SPTBN1: variants seen among roughly 807,000 people sequenced by gnomAD.
The protein encoded by SPTBN1 is spectrin beta chain, non-erythrocytic 1.
A neutral mutation model predicts 266.4 loss-of-function variants in SPTBN1; 32 were observed. That is an observed-to-expected ratio of 0.12 (90% CI 0.09 to 0.16). SPTBN1 has a LOEUF of 0.16. Among genes scored for constraint, SPTBN1 ranks in the 10% least tolerant of loss-of-function variants. The pLI, the probability that SPTBN1 is intolerant of heterozygous loss-of-function variation, is 1.00. For synonymous variants in SPTBN1, 1,336 were observed against 1,162.2 expected (o/e 1.15, Z -3.04); for missense variants, 2,296 against 3,067.1 (o/e 0.75, Z 5.94).
intron 2 of SPTBN1, chr2:54,557,900 C>A: frequency 1.0e-6 from 1 of 985,334 alleles, no homozygotes; most frequent in Non-Finnish European, 1.2e-6. Context: ...CGGTGGCTCG[C>A]CGGGCCGCCG....
intron 1 of SPTBN1, chr2:54,516,007 G>A (rs571970128): frequency 6.6e-6 from 1 of 152,304 alleles, no homozygotes; most frequent in South Asian, 2.1e-4. Context: ...GGCTGGGTGG[G>A]TAACTGGCCT....
intron 12 of SPTBN1, among the ~76,000 whole-genome samples, chr2:54,627,780 C>T (rs1364812048): frequency 7.5e-6 from 1 of 133,138 alleles, no homozygotes; most frequent in African/African-American, 2.8e-5. Context: ...CTCCCCACTG[C>T]CCCCTCCCCC....
chr2:54,558,734 C>G lies in SPTBN1; in HGVS notation c.148+32168C>G, dbSNP rs956048615. On this transcript the variant is annotated intron_variant, in intron 2 of 35. Coordinates refer to ENST00000356805, the MANE Select transcript of SPTBN1 (RefSeq NM_003128.3). The surrounding 1 kb of genome is among the most constrained non-coding windows in gnomAD (Gnocchi z 4.6). ...GGATGGGAGTGGGAGGGGGCTGGAGCGAGATTTCCAGGGCGCAGTCCTCCG... is the reference window on the plus strand; with the variant it reads ...GGATGGGAGTGGGAGGGGGCTGGAGGGAGATTTCCAGGGCGCAGTCCTCCG... The G allele has an allele frequency of 5.0e-6, 8 of 1,592,378 alleles. No homozygotes were observed. The African/African-American group carries it at 9.4e-5, about 19-fold the overall frequency.
At chr2:54,486,822 G>A (rs1573250140) in intron 1 of SPTBN1, among the ~76,000 whole-genome samples, 1 of 152,128 alleles carries the variant, frequency 6.6e-6, no homozygotes, top group East Asian at 1.9e-4. Flanking sequence ...AGATTTTGAT[G>A]TTGATTTAGA....
chr2:54,567,715 A>C (rs866375835), intron 2 of SPTBN1, among the ~76,000 whole-genome samples: 1 of 152,130 alleles, frequency 6.6e-6, no homozygotes, highest in Non-Finnish European at 1.5e-5. Flanking sequence ...CACTTCTTAA[A>C]TATAAATATA....
At chr2:54,478,720 G>A (rs1215083536) in intron 1 of SPTBN1, among the ~76,000 whole-genome samples, 1 of 152,172 alleles carries the variant, frequency 6.6e-6, no homozygotes, top group Non-Finnish European at 1.5e-5. Context: ...CACTTGGGAT[G>A]CATTTTAAAA....
rs1006473400 is a variant in SPTBN1, at chr2:54,669,758, A to T, written c.*1189A>T. 59 of 152,632 alleles carry T rather than the reference A, an allele frequency of 3.9e-4. No homozygotes were observed. The highest frequency in any genetic ancestry group is 3.8e-3 in the Admixed American group (58 of 15,286). 9.5% of individuals were successfully genotyped at this position (152,632 alleles called of 1,614,324 possible). On this transcript the variant is annotated 3_prime_UTR_variant, in exon 36 of 36. Coordinates refer to ENST00000356805, the MANE Select transcript of SPTBN1 (RefSeq NM_003128.3). The stretch of plus-strand genomic sequence containing the variant: ...TGCAAAGGGAGAAATGACAAACAAG[A>T]AACATTTTACAACCAGTCTGGGCTC...
intron 18 of SPTBN1, among the ~76,000 whole-genome samples, chr2:54,641,217 G>A (rs968596207): frequency 6.6e-5 from 10 of 152,148 alleles, no homozygotes; most frequent in South Asian, 4.1e-4. Context: ...GTGCTGTATC[G>A]CATGATGCTT....
Position 54,612,951 on chromosome 2 carries a change from A to G in SPTBN1, c.474+617A>G, listed in dbSNP as rs1677325082. Among the ~76,000 whole-genome samples, 2 of 152,206 alleles carry G rather than the reference A, an allele frequency of 1.3e-5. 1 individual carries two copies. Among genetic ancestry groups the G allele is most frequent in the Admixed American group, 1.3e-4 (2 of 15,282 alleles). On this transcript the variant is annotated intron_variant, in intron 4 of 35. Coordinates refer to ENST00000356805, the MANE Select transcript of SPTBN1 (RefSeq NM_003128.3). The stretch of plus-strand genomic sequence containing the variant: ...AAGTATAGAAGTATTTTAAGCCGGA[A>G]GGTACTCTCAAGGTCATTTTGTCCA...
chr2:54,558,017 C>A lies in SPTBN1; in HGVS notation c.148+31451C>A. The A allele has an allele frequency of 1.0e-6, 1 of 985,446 alleles. No homozygotes were observed. The highest frequency in any genetic ancestry group is 1.2e-6 in the Non-Finnish European group (1 of 829,926). The allele number at this position is 985,446 out of a possible 1,614,324, so 61.0% of individuals were successfully genotyped here. On this transcript the variant is annotated intron_variant, in intron 2 of 35. Transcript: ENST00000356805. The surrounding 1 kb of genome is among the most constrained non-coding windows in gnomAD (Gnocchi z 4.6). ...GAATGAGCCGCGCGGGCCCGGGACCCTTGGGGCTCTTCACTCTCCAGGCCG... is the reference window on the plus strand; with the variant it reads ...GAATGAGCCGCGCGGGCCCGGGACCATTGGGGCTCTTCACTCTCCAGGCCG...
intron 3 of SPTBN1, among the ~76,000 whole-genome samples, chr2:54,604,043 A>G (rs1175676099): frequency 6.6e-6 from 1 of 152,140 alleles, no homozygotes; most frequent in Non-Finnish European, 1.5e-5. Context: ...CACTTGGTAG[A>G]TATGGTAAGT....
Position 54,644,562 on chromosome 2 carries a change from C to G in SPTBN1, c.4245C>G (p.Val1415=), listed in dbSNP as rs1270204714. The G allele has an allele frequency of 1.2e-6, 2 of 1,605,892 alleles. No individual in the cohort carries two copies. Among genetic ancestry groups the G allele is most frequent in the East Asian group, 2.2e-5 (1 of 44,632 alleles). The change falls in exon 20 of 36, where the codon GTC becomes GTG. Residue 1415 remains valine, a synonymous_variant. Coordinates refer to ENST00000356805, the MANE Select transcript of SPTBN1 (RefSeq NM_003128.3). ...ACTATGGCAAAGACCTGACCAGTGT[C>G]AATATCCTGCTGAAAAAGCAACAGG... ...SDDYGKDLTS[V]NILLKKQQML... is the part of the protein sequence containing the mutation.
chr2:54,576,276 A>C (rs1328563171), intron 2 of SPTBN1, among the ~76,000 whole-genome samples: 1 of 149,796 alleles, frequency 6.7e-6, no homozygotes, highest in Non-Finnish European at 1.5e-5. Flanking sequence ...CTAGTCTTAA[A>C]CTCCTAACCT....
Position 54,649,894 on chromosome 2 carries a change from C to T in SPTBN1, c.5482C>T (p.Leu1828Phe), listed in dbSNP as rs1474893863. The T allele has an allele frequency of 1.9e-6, 3 of 1,614,208 alleles. No individual in the cohort carries two copies. The highest frequency in any genetic ancestry group is 2.2e-5 in the East Asian group (1 of 44,894). Residue 1828 changes from leucine to phenylalanine, a missense_variant, in exon 26 of 36, where the codon CTC becomes TTC. Leu to Phe is a conservative substitution (Grantham distance 22). Around this residue, in one of 12 missense-constraint regions of SPTBN1, gnomAD observed 644 missense variants for 745.3 expected, o/e 0.86. Transcript: ENST00000356805. This position sits in a 1 kb window ranked among gnomAD's most constrained non-coding sequence, Gnocchi z 6.7. ...FGRIQDKHKK[L>F]PEELGRDQNT... ...GCGTATACAGGACAAACACAAGAAA[C>T]TCCCTGAGGAGCTTGGGAGAGATCA...
chr2:54,526,593 G>A (rs369806188), intron 2 of SPTBN1, 27 bp downstream of exon 2: 68 of 1,597,102 alleles, frequency 4.3e-5, no homozygotes, highest in Non-Finnish European at 5.3e-5. Context: ...TGTCACAGAG[G>A]CCCAGGATGC....
rs1002843942 is a variant in SPTBN1, at chr2:54,625,066, A to C, written c.1341+104A>C. ...AGAGGACAGCTGCTTATCGACATTCATTATTCTGGAGGAACGTCAGGTCAC... is the reference window on the plus strand; with the variant it reads ...AGAGGACAGCTGCTTATCGACATTCCTTATTCTGGAGGAACGTCAGGTCAC... On this transcript the variant is annotated intron_variant, in intron 11 of 35. Transcript: ENST00000356805. 4 of 1,394,546 alleles carry C rather than the reference A, an allele frequency of 2.9e-6. No individual in the cohort carries two copies. The South Asian group carries it at 4.6e-5, about 16-fold the overall frequency. The allele number at this position is 1,394,546 out of a possible 1,614,324, so 86.4% of individuals were successfully genotyped here.
intron 1 of SPTBN1, among the ~76,000 whole-genome samples, chr2:54,492,914 G>A (rs566430765): frequency 1.3e-5 from 2 of 151,114 alleles, no homozygotes; most frequent in East Asian, 3.9e-4. Flanking sequence ...TTGTTGTGCA[G>A]TTTAATATGT....
Position 54,659,200 on chromosome 2 carries a change from A to G in SPTBN1, c.6290A>G (p.Lys2097Arg), listed in dbSNP as rs1236149636. ...VRRQQEEEER[K>R]RRPPSPEPST... is the part of the protein sequence containing the mutation. ...AGACAGCAAGAGGAAGAGGAGAGGA[A>G]GAGGCGGCCGCCTTCTCCCGAGCCG... is the stretch of plus-strand genomic sequence containing the variant. Residue 2097 changes from lysine (K) to arginine (R), a missense_variant, in exon 31 of 36, where the codon AAG (lysine) becomes AGG (arginine). Transcript: ENST00000356805. 6.2e-7 allele frequency: 1 copy of G among 1,614,064 alleles called. No homozygotes were observed. The highest frequency in any genetic ancestry group is 8.5e-7 in the Non-Finnish European group (1 of 1,179,978).
chr2:54,543,122 GAGGA>G (rs1194280897), intron 2 of SPTBN1, among the ~76,000 whole-genome samples: 1 of 152,172 alleles, frequency 6.6e-6, no homozygotes, highest in African/African-American at 2.4e-5. Context: ...GGCTGATGCT[GAGGA>G]AGGAAGGATG....
Sources: allele counts gnomAD v4.1 joint callset (sites outside exome capture counted in the v4.1 genomes callset), GRCh38; gene constraint gnomAD v4.1.1; regional missense constraint gnomAD v4.1.1; non-coding constraint Gnocchi (gnomAD v3.1); transcripts MANE v1.5; gene names NCBI Gene and HGNC (gene_info 2026-07-23, HGNC 2026-07-21).